SYNE1: variants seen among roughly 807,000 people sequenced by gnomAD.
SYNE1 encodes nesprin-1.
In SYNE1, 616 loss-of-function variants were observed where a neutral mutation model predicts 1,111.0. The ratio of observed to expected loss-of-function variants is 0.55; its 90% confidence interval spans 0.52 to 0.59. The LOEUF (loss-of-function observed/expected upper bound fraction) is 0.59, where lower values mean the gene tolerates loss of function less well. Ranked by LOEUF, SYNE1 falls within the 20% of genes least tolerant of loss-of-function variation. The probability of loss-of-function intolerance (pLI) is 0.00; values close to 1 mark genes in which losing one functional copy is unlikely to be tolerated. For synonymous variants in SYNE1, 3,855 were observed against 3,825.8 expected, an observed-to-expected ratio of 1.01 and a Z score of -0.28; for missense variants, 10,006 against 10,417.0, an observed-to-expected ratio of 0.96 and a Z score of 1.72.
chr6:152,555,177 T>A (rs538085603), intron 3 of SYNE1, among the ~76,000 whole-genome samples: 3 of 152,228 alleles, frequency 2.0e-5, no homozygotes, highest in Non-Finnish European at 4.4e-5. Flanking sequence ...ATTATATCTT[T>A]GTCATAGATA....
At chr6:152,131,763 C>T (rs1332924040) in intron 144 of SYNE1, among the ~76,000 whole-genome samples, 2 of 152,156 alleles carry the variant, frequency 1.3e-5, no homozygotes, top group African/African-American at 4.8e-5. Context: ...AGGCGCCCCG[C>T]AAGTGGAGGC....
chr6:152,282,685 T>C (rs1285716444), intron 96 of SYNE1, among the ~76,000 whole-genome samples: 2 of 152,138 alleles, frequency 1.3e-5, no homozygotes, highest in African/African-American at 4.8e-5. Flanking sequence ...AATTATTTTA[T>C]GAATAATTCA....
intron 99 of SYNE1, among the ~76,000 whole-genome samples, chr6:152,268,702 C>T (rs1042600753): frequency 5.3e-5 from 8 of 152,048 alleles, no homozygotes; most frequent in African/African-American, 1.9e-4. Flanking sequence ...TCATTTGTTT[C>T]ACTAGGCAAC....
chr6:152,292,972 C>A (rs2094683160), intron 95 of SYNE1, among the ~76,000 whole-genome samples: 1 of 152,210 alleles, frequency 6.6e-6, no homozygotes, highest in African/African-American at 2.4e-5. Context: ...CTGAACATTT[C>A]TTAGCATGCA....
At chr6:152,153,623 G>A (rs968790723) in intron 133 of SYNE1, among the ~76,000 whole-genome samples, 2 of 152,214 alleles carry the variant, frequency 1.3e-5, no homozygotes, top group Non-Finnish European at 2.9e-5. Flanking sequence ...GAGTGTGTAA[G>A]ATGCAGTTGA....
Position 152,391,510 on chromosome 6 carries a change from C to G in SYNE1, c.7771G>C (p.Ala2591Pro), listed in dbSNP as rs1434521309. The change falls in exon 52 of 146, where the codon GCT becomes CCT. Residue 2591 changes from alanine to proline, a missense_variant. Transcript: ENST00000367255. ...GAACACAGGCGGCCCTCCTGCCCAG[C>G]ACCGTGGCCTTCTTCACTCAGAAGC... ...GQLLSEEGHGAGQEGRLCSQL... is the reference protein window; with the variant it reads ...GQLLSEEGHGPGQEGRLCSQL... 2 of 1,609,404 alleles carry G rather than the reference C, an allele frequency of 1.2e-6. No homozygotes were observed. The highest frequency in any genetic ancestry group is 1.7e-6 in the Non-Finnish European group (2 of 1,178,806).
chr6:152,478,855 A>C (rs1481740513), intron 14 of SYNE1, among the ~76,000 whole-genome samples: 3 of 152,192 alleles, frequency 2.0e-5, no homozygotes, highest in African/African-American at 7.2e-5. Context: ...GTGTGTGGGC[A>C]TGAACTAGGC....
At position 152,149,605 on chromosome 6, in the gene SYNE1, G is replaced by C. The variant is rs1220864794; in HGVS notation, c.24514C>G (p.Gln8172Glu). 1 of 1,614,094 alleles carries C rather than the reference G, an allele frequency of 6.2e-7. No homozygotes were observed. Among genetic ancestry groups the C allele is most frequent in the African/African-American group, 1.3e-5 (1 of 75,016 alleles). The change falls in exon 136 of 146, where the codon CAG becomes GAG. Residue 8172 changes from glutamine to glutamate, a missense_variant. Gln to Glu is a conservative substitution (Grantham distance 29). This residue lies in a region of SYNE1 where 761 missense variants were observed against 795.5 expected (regional missense o/e 0.96). Coordinates refer to ENST00000367255, the MANE Select transcript of SYNE1 (RefSeq NM_182961.4). Reference protein sequence around the residue: ...KIEQIIAQGEQLIEKSEPLDA... With the variant: ...KIEQIIAQGEELIEKSEPLDA... The stretch of plus-strand genomic sequence containing the variant: ...AAGGGCTCACTCTTTTCTATCAGCT[G>C]TTCTCCTTGGGCAATTATCTGCTCA...
At chr6:152,551,963 A>C (rs1052213379) in intron 3 of SYNE1, among the ~76,000 whole-genome samples, 1 of 152,222 alleles carries the variant, frequency 6.6e-6, no homozygotes, top group Non-Finnish European at 1.5e-5. Context: ...AAACTATGAA[A>C]TATTTTCCTG....
rs565395437 is a variant in SYNE1 at position 152,270,119 on chromosome 6, C to T, written c.18574-833G>A. 6.6e-5 allele frequency among the ~76,000 whole-genome samples: 10 copies of T among 152,216 alleles called. No homozygotes were observed. The South Asian group carries it at 1.2e-3, about 19-fold the overall frequency. ...ACCTTCTGTGTCTACCCTACTAGGG[C>T]GATAGATTTAAATTATTCCTAGAAT... On this transcript the variant is annotated intron_variant, in intron 98 of 145. Transcript: ENST00000367255.
At chr6:152,197,963 C>G (rs775994733) in intron 127 of SYNE1, among the ~76,000 whole-genome samples, 2 of 151,570 alleles carry the variant, frequency 1.3e-5, no homozygotes, top group African/African-American at 2.4e-5. Flanking sequence ...GCTGTTTGAT[C>G]TACCTCTAGC....
At chr6:152,158,984 G>A (rs1396320294) in intron 131 of SYNE1, among the ~76,000 whole-genome samples, 4 of 152,082 alleles carry the variant, frequency 2.6e-5, no homozygotes, top group Admixed American at 6.6e-5. Context: ...ACGGAGTCTC[G>A]CTCTGTCTGC....
intron 104 of SYNE1, among the ~76,000 whole-genome samples, chr6:152,251,883 T>C (rs1317917074): frequency 0.011 from 1 of 90 alleles, no homozygotes; most frequent in South Asian, 0.25. Context: ...ACATCACTTT[T>C]TTTTTCTTAA....
In SYNE1 at chr6:152,411,426, T is replaced by C. The variant is rs193110285; in HGVS notation, c.6231-1717A>G. On this transcript the variant is annotated intron_variant, in intron 42 of 145. Transcript: ENST00000367255. ...TTGAAAACTGTACTGGCTATTCTAG[T>C]AGGTCTTGTGCTTTTATGTATACAT... 5.9e-5 allele frequency among the ~76,000 whole-genome samples: 9 copies of C among 152,306 alleles called. No individual in the cohort carries two copies. In the East Asian group the frequency reaches 1.7e-3, roughly 29 times the overall value.
In SYNE1 at chr6:152,426,521, C is replaced by T. The variant is rs560541559; in HGVS notation, c.5101-974G>A. Among the ~76,000 whole-genome samples the T allele has an allele frequency of 3.3e-5, 5 of 152,358 alleles. No individual in the cohort carries two copies. In the South Asian group the frequency reaches 1.0e-3, roughly 32 times the overall value. ...CAGGAGTAACAGAGTCTGCAGTCCTCTCAGTCATATGGCACTTAGTTTCCA... is the reference window on the plus strand; with the variant it reads ...CAGGAGTAACAGAGTCTGCAGTCCTTTCAGTCATATGGCACTTAGTTTCCA... On this transcript the variant is annotated intron_variant, in intron 38 of 145. Transcript: ENST00000367255.
In SYNE1 at chr6:152,460,799, C is replaced by CT. The variant is rs869295894; in HGVS notation, c.2394+797dup. On this transcript the variant is annotated intron_variant, in intron 21 of 145. Coordinates refer to ENST00000367255, the MANE Select transcript of SYNE1 (RefSeq NM_182961.4). ...CAGAAAAGGTATAAATGTATATAAT[C>CT]TTTTTTTTTTTTTTTTTTTTTTTTT... 7.5e-3 allele frequency among the ~76,000 whole-genome samples: 506 copies of CT among 67,596 alleles called. 34 individuals are homozygous for CT. Among genetic ancestry groups the CT allele is most frequent in the Non-Finnish European group, 8.9e-3 (339 of 37,952 alleles). The allele number at this position is 67,596 out of a possible 152,430, so 44.3% of individuals were successfully genotyped here.
chr6:152,213,673 T>C lies in SYNE1; in HGVS notation c.22433A>G (p.Lys7478Arg). ...ATTTCCTGAAATCTCTACTGCTAAC[T>C]TTTGTTCTGTCTGAACTAGGAATTC... ...WMEFLVQTEQ[K>R]LAVEISGNYQ... Residue 7478 changes from lysine (K) to arginine (R), a missense_variant, in exon 123 of 146, where the codon AAG becomes AGG. By Grantham distance (26) the Lys-to-Arg change is conservative. Coordinates refer to ENST00000367255, the MANE Select transcript of SYNE1 (RefSeq NM_182961.4). The C allele has an allele frequency of 1.2e-6, 2 of 1,614,164 alleles. No homozygotes were observed. The highest frequency in any genetic ancestry group is 1.7e-6 in the Non-Finnish European group (2 of 1,180,016).
chr6:152,214,777 T>A (rs954065374), intron 122 of SYNE1, 129 bp downstream of exon 122: 1 of 1,284,468 alleles, frequency 7.8e-7, no homozygotes, highest in African/African-American at 1.5e-5. Context: ...GACTTCCCAG[T>A]CTCCAGAACT....
At chr6:152,364,632 G>GGGAA (rs1313778656) in intron 63 of SYNE1, among the ~76,000 whole-genome samples, 1 of 149,424 alleles carries the variant, frequency 6.7e-6, no homozygotes, top group Non-Finnish European at 1.5e-5. Context: ...AGAAAACAGG[G>GGGAA]GGAAGGAAGG....
Sources: gnomAD v4.1 joint callset for allele counts (sites outside exome capture counted in the v4.1 genomes callset) on GRCh38, gnomAD v4.1.1 for gene constraint, gnomAD v4.1.1 regional missense constraint, MANE v1.5 for transcripts, NCBI Gene and HGNC (gene_info 2026-07-23, HGNC 2026-07-21) for gene names.